ENTREP2: variants seen among roughly 807,000 people sequenced by gnomAD.
The protein encoded by ENTREP2 is endosomal transmembrane epsin interactor 2.
At chr15:29,601,176 C>T in the ENTREP2 span, among the ~76,000 whole-genome samples, 3 of 148,714 alleles carry the variant, frequency 2.0e-5, no homozygotes, top group African/African-American at 5.2e-5. Context: ...GGATTACAGG[C>T]GTGAGCCACC....
the ENTREP2 span, among the ~76,000 whole-genome samples, chr15:29,246,373 C>T: frequency 8.2e-6 from 1 of 122,568 alleles, no homozygotes; most frequent in African/African-American, 3.1e-5. Flanking sequence ...GCCTAAGCAA[C>T]AGAGTGAAAC....
At chr15:29,423,905 C>T in the ENTREP2 span, among the ~76,000 whole-genome samples, 3 of 152,184 alleles carry the variant, frequency 2.0e-5, no homozygotes, top group South Asian at 6.2e-4. Context: ...GATGTACATT[C>T]AGACTATCTC....
the ENTREP2 span, among the ~76,000 whole-genome samples, chr15:29,252,696 G>C: frequency 6.6e-6 from 1 of 152,164 alleles, no homozygotes; most frequent in Non-Finnish European, 1.5e-5. Context: ...GGAAGCCATA[G>C]CAAGCTACCA....
chr15:29,211,490 C>A, the ENTREP2 span, among the ~76,000 whole-genome samples: 1 of 152,212 alleles, frequency 6.6e-6, no homozygotes, highest in Non-Finnish European at 1.5e-5. Flanking sequence ...TGTCTGATTG[C>A]CCTGGCTAGG....
At chr15:29,371,977 A>G in the ENTREP2 span, among the ~76,000 whole-genome samples, 1 of 152,188 alleles carries the variant, frequency 6.6e-6, no homozygotes, top group East Asian at 1.9e-4. Context: ...GAATTAATGG[A>G]AGAAATTTCC....
chr15:29,318,959 G>T, the ENTREP2 span, among the ~76,000 whole-genome samples: 2 of 152,166 alleles, frequency 1.3e-5, no homozygotes, highest in Non-Finnish European at 2.9e-5. Flanking sequence ...CCAAAGAGAA[G>T]CCAATTTGTT....
the ENTREP2 span, among the ~76,000 whole-genome samples, chr15:29,636,361 G>A: frequency 9.9e-5 from 15 of 152,200 alleles, no homozygotes; most frequent in Admixed American, 4.6e-4. Context: ...CTCAGCTCCT[G>A]GGCTCTGGCC....
chr15:29,430,892 A>AT, the ENTREP2 span, among the ~76,000 whole-genome samples: 1 of 152,156 alleles, frequency 6.6e-6, no homozygotes, highest in Admixed American at 6.5e-5. Context: ...AGAGATCCTC[A>AT]TGGTCCCCAG....
chr15:29,537,977 G>A, the ENTREP2 span, among the ~76,000 whole-genome samples: 8 of 152,118 alleles, frequency 5.3e-5, no homozygotes, highest in Non-Finnish European at 7.3e-5. Flanking sequence ...GGCTTCCCTA[G>A]CCATCCTTTC....
At chr15:29,549,198 C>A in the ENTREP2 span, among the ~76,000 whole-genome samples, 2 of 152,098 alleles carry the variant, frequency 1.3e-5, no homozygotes, top group African/African-American at 2.4e-5. Flanking sequence ...TGAACCTGTC[C>A]CTGGTTCTGA....
chr15:29,671,093 T>C, the ENTREP2 span, among the ~76,000 whole-genome samples: 1 of 152,142 alleles, frequency 6.6e-6, no homozygotes, highest in Non-Finnish European at 1.5e-5. Flanking sequence ...TAATGAATCA[T>C]ACCCATGTCA....
the ENTREP2 span, among the ~76,000 whole-genome samples, chr15:29,548,664 C>A: frequency 6.6e-6 from 1 of 152,030 alleles, no homozygotes; most frequent in East Asian, 1.9e-4. Flanking sequence ...GATAATGGGA[C>A]CACAAAATCA....
At chr15:29,656,740 T>C in the ENTREP2 span, among the ~76,000 whole-genome samples, 2 of 152,152 alleles carry the variant, frequency 1.3e-5, no homozygotes, top group African/African-American at 2.4e-5. Flanking sequence ...TCTCATATCT[T>C]ATCTTGCTTG....
chr15:29,273,563 CA>C, the ENTREP2 span, among the ~76,000 whole-genome samples: 1 of 152,018 alleles, frequency 6.6e-6, no homozygotes. Flanking sequence ...TTGAAGGAAG[CA>C]AAGTATTGTT....
At chr15:29,470,424 A>C in the ENTREP2 span, among the ~76,000 whole-genome samples, 1 of 152,274 alleles carries the variant, frequency 6.6e-6, no homozygotes, top group East Asian at 1.9e-4. Flanking sequence ...GCTCCCTTGC[A>C]AACTTCATTC....
chr15:29,648,871 G>A, the ENTREP2 span, among the ~76,000 whole-genome samples: 1 of 151,920 alleles, frequency 6.6e-6, no homozygotes, highest in Admixed American at 6.6e-5. Context: ...CTAGGGAGGC[G>A]GAAGTTGCAG....
chr15:29,309,936 G>A, the ENTREP2 span, among the ~76,000 whole-genome samples: 1 of 152,166 alleles, frequency 6.6e-6, no homozygotes, highest in Non-Finnish European at 1.5e-5. Flanking sequence ...ATAGGACTGA[G>A]ACTGTCAGAG....
the ENTREP2 span, among the ~76,000 whole-genome samples, chr15:29,384,445 CTT>C: frequency 6.6e-6 from 1 of 152,136 alleles, no homozygotes; most frequent in African/African-American, 2.4e-5. Flanking sequence ...TCCACTCGCT[CTT>C]GTCTCCACCT....
At chr15:29,464,331 T>C in the ENTREP2 span, among the ~76,000 whole-genome samples, 3 of 152,306 alleles carry the variant, frequency 2.0e-5, no homozygotes, top group East Asian at 5.8e-4. Flanking sequence ...TGGGGGCACC[T>C]GCACAGCATG....
Sources: allele counts gnomAD v4.1 joint callset (sites outside exome capture counted in the v4.1 genomes callset), GRCh38; gene constraint gnomAD v4.1.1; transcripts MANE v1.5; gene names NCBI Gene and HGNC (gene_info 2026-07-23, HGNC 2026-07-21).